STXBP2: variants seen among roughly 807,000 people sequenced by gnomAD.
STXBP2 encodes syntaxin binding protein 2.
Under a neutral mutation model 72.2 loss-of-function variants are expected in STXBP2, and 47 were observed. That is an observed-to-expected ratio of 0.65 (90% CI 0.51 to 0.83). The LOEUF (loss-of-function observed/expected upper bound fraction) is 0.83. STXBP2 is among the 40% of genes least tolerant of loss of function. STXBP2 has a pLI of 0.00. For synonymous variants in STXBP2, 367 were observed against 338.7 expected (o/e 1.08, Z -0.92); for missense variants, 702 against 807.6 (o/e 0.87, Z 1.58).
At chr19:7,636,911 C>T, upstream of STXBP2, 1 of 392,972 alleles carries the variant, frequency 2.5e-6, no homozygotes, top group Non-Finnish European at 4.5e-6. Flanking sequence ...CATCTGTGAG[C>T]GTGTCGTCGA....
chr19:7,638,834 A>T (rs1599389173), intron 2 of STXBP2, 59 bp downstream of exon 2: 2 of 1,610,236 alleles, frequency 1.2e-6, no homozygotes, highest in Middle Eastern at 1.7e-4. Context: ...GCCTATGGGG[A>T]AGACCCTGAA....
At chr19:7,634,231 C>A (rs3745363), upstream of STXBP2, among the ~76,000 whole-genome samples, 44,309 of 152,112 alleles carry the variant, frequency 0.29, 7,127 homozygotes, top group Non-Finnish European at 0.37. Flanking sequence ...CCTGCCTTTT[C>A]CCCCGAGCCA....
In STXBP2 at chr19:7,644,594, G is replaced by C; in HGVS notation, c.1108-20G>C. On this transcript the variant is annotated intron_variant, in intron 13 of 18. Coordinates refer to ENST00000221283, the MANE Select transcript of STXBP2 (RefSeq NM_006949.4). ...CCCTGACACATAGCGGCCGGTGGAC[G>C]GCTGACCCCATGCCCGCAGGACCTG... 1.9e-6 allele frequency: 3 copies of C among 1,610,286 alleles called. No individual in the cohort carries two copies. Among genetic ancestry groups the C allele is most frequent in the Non-Finnish European group, 2.5e-6 (3 of 1,179,698 alleles).
At position 7,643,065 on chromosome 19, in the gene STXBP2, A is replaced by C. The variant is rs1171346483; in HGVS notation, c.1026+17A>C. 6.2e-7 allele frequency: 1 copy of C among 1,614,070 alleles called. No homozygotes were observed. Among genetic ancestry groups the C allele is most frequent in the Non-Finnish European group, 8.5e-7 (1 of 1,179,928 alleles). On this transcript the variant is annotated intron_variant, in intron 12 of 18. Transcript: ENST00000221283. ...CTGAATAAGGTGTGCTCGGGTGGGC[A>C]GGGAGCGGGGACACCTCGGCCCCTC... is the stretch of plus-strand genomic sequence containing the variant.
rs899199010 is a variant in STXBP2 at position 7,647,507 on chromosome 19, C to T, written c.1692C>T (p.Leu564=). The T allele has an allele frequency of 5.0e-6, 8 of 1,595,262 alleles. No individual in the cohort carries two copies. The highest frequency in any genetic ancestry group is 2.3e-5 in the East Asian group (1 of 43,568). Residue 564 remains leucine, a synonymous_variant, in exon 18 of 19, where the codon CTC becomes CTT. Transcript: ENST00000221283. ...CCACCGAGGGCAAGTGGGAGGTGCT[C>T]ATTGGTAAGTCACCAGGACTGGGAC... ...TRATEGKWEV[L]IGSSHILTPT...
chr19:7,630,902 G>C, the STXBP2 span: 16 of 1,535,046 alleles, frequency 1.0e-5, no homozygotes, highest in Non-Finnish European at 1.4e-5. Flanking sequence ...TCTTGTATCC[G>C]GGATGGGTTT....
chr19:7,647,698 C>T (rs755351459), intron 18 of STXBP2, 27 bp from the exon 19 acceptor site: 17 of 1,612,964 alleles, frequency 1.1e-5, no homozygotes, highest in Non-Finnish European at 1.4e-5. Flanking sequence ...CCCCCAACAT[C>T]TTCCCCAAAC....
rs116022728 is a variant in STXBP2, at chr19:7,643,083, G to A, written c.1026+35G>A. ...GGTGGGCAGGGAGCGGGGACACCTC[G>A]GCCCCTCAACCCCATGCTCTGTCTG... is the stretch of plus-strand genomic sequence containing the variant. On this transcript the variant is annotated intron_variant, in intron 12 of 18. Coordinates refer to ENST00000221283, the MANE Select transcript of STXBP2 (RefSeq NM_006949.4). 3,805 of 1,614,008 alleles carry A rather than the reference G, an allele frequency of 2.4e-3. 76 individuals carry two copies. In the African/African-American group the frequency reaches 0.042, roughly 18 times the overall value.
At chr19:7,644,961 C>T in intron 14 of STXBP2, 1 of 1,447,120 alleles carries the variant, frequency 6.9e-7, no homozygotes, top group South Asian at 1.5e-5. Context: ...AACGTAGAAA[C>T]CCTCACATCT....
Position 7,640,733 on chromosome 19 carries a change from G to A in STXBP2, c.249G>A (p.Ser83=), listed in dbSNP as rs1374023769. The change falls in exon 5 of 19, where the codon TCG becomes TCA. Residue 83 remains serine (S), a splice_region_variant and synonymous_variant. Transcript: ENST00000221283. ...AIYLLSPTEK[S]VQALIKDFQG... Reference sequence around the variant, plus strand: ...AGAGAGTGATCCACCTTCCCCAGTCGGTTCAGGCCCTGATCAAAGACTTCC... The same window carrying A: ...AGAGAGTGATCCACCTTCCCCAGTCAGTTCAGGCCCTGATCAAAGACTTCC... 4 of 1,614,186 alleles carry A rather than the reference G, an allele frequency of 2.5e-6. No individual in the cohort carries two copies. The highest frequency in any genetic ancestry group is 1.6e-4 in the Middle Eastern group (1 of 6,062).
upstream of STXBP2, chr19:7,632,608 C>T (rs1400719882): frequency 1.9e-6 from 3 of 1,589,672 alleles, no homozygotes; most frequent in Admixed American, 1.7e-5. This position sits in a 1 kb window ranked among gnomAD's most constrained non-coding sequence, Gnocchi z 5.2. Context: ...CTTCAGGGTG[C>T]ACAACCACCT....
rs748212253 is a variant in STXBP2 at position 7,644,716 on chromosome 19, A to G, written c.1210A>G (p.Ile404Val). 3 of 1,613,508 alleles carry G rather than the reference A, an allele frequency of 1.9e-6. No homozygotes were observed. Among genetic ancestry groups the G allele is most frequent in the Admixed American group, 1.7e-5 (1 of 59,970 alleles). ...LDAAVPAYDK[I>V]RVLLLYILLR... Reference sequence around the variant, plus strand: ...CGCGGCGGTGCCCGCCTACGACAAGATCCGGGTCCTGCTGCTCTACATCCT... The same window carrying G: ...CGCGGCGGTGCCCGCCTACGACAAGGTCCGGGTCCTGCTGCTCTACATCCT... Residue 404 changes from isoleucine to valine, a missense_variant, in exon 14 of 19, where the codon ATC becomes GTC. Coordinates refer to ENST00000221283, the MANE Select transcript of STXBP2 (RefSeq NM_006949.4).
intron 3 of STXBP2, 139 bp from the exon 4 acceptor site, chr19:7,639,592 T>A (rs2031703963): frequency 1.3e-6 from 1 of 765,942 alleles, no homozygotes; most frequent in South Asian, 1.5e-5. Flanking sequence ...TAGCTGGTGG[T>A]CCCTAAGTGG....
chr19:7,643,174 C>T lies in STXBP2; in HGVS notation c.1036C>T (p.His346Tyr). 6.2e-7 allele frequency: 1 copy of T among 1,614,116 alleles called. No homozygotes were observed. Among genetic ancestry groups the T allele is most frequent in the South Asian group, 1.1e-5 (1 of 91,080 alleles). ...ACCCTGCACCCTGCAGTATTCTACG[C>T]ACCTGCATCTAGCAGATGATTGTAT... ...YQKELNKYST[H>Y]LHLADDCMKH... The change falls in exon 13 of 19, where the codon CAC (histidine) becomes TAC (tyrosine). Residue 346 changes from histidine to tyrosine, a missense_variant. Transcript: ENST00000221283.
chr19:7,632,581 T>G, upstream of STXBP2: 1 of 1,600,732 alleles, frequency 6.2e-7, no homozygotes, highest in South Asian at 1.1e-5. This position sits in a 1 kb window ranked among gnomAD's most constrained non-coding sequence, Gnocchi z 5.2. Context: ...CCCTACCCCT[T>G]CACCCCCACA....
chr19:7,642,277 G>A lies in STXBP2; in HGVS notation c.738G>A (p.Glu246=), dbSNP rs758887450. 3 of 1,614,138 alleles carry A rather than the reference G, an allele frequency of 1.9e-6. No homozygotes were observed. The highest frequency in any genetic ancestry group is 1.1e-5 in the South Asian group (1 of 91,088). The change falls in exon 9 of 19, where the codon GAG becomes GAA. Residue 246 remains glutamate, a synonymous_variant. Transcript: ENST00000221283. The surrounding 1 kb of genome is among the most constrained non-coding windows in gnomAD (Gnocchi z 6.0). ...AADPVSPLLH[E]LTFQAMAYDL... ...ACCCCGTGTCCCCACTACTGCATGA[G>A]CTCACGTTCCAGGCCATGGCGTATG...
chr19:7,633,295 C>A, upstream of STXBP2: 2 of 1,116,470 alleles, frequency 1.8e-6, no homozygotes, highest in Non-Finnish European at 2.6e-6. Context: ...ACAACTGGGT[C>A]AGGGGGTCCT....
chr19:7,643,312 A>T, intron 13 of STXBP2, 67 bp downstream of exon 13: 1 of 1,521,710 alleles, frequency 6.6e-7, no homozygotes, highest in Non-Finnish European at 9.0e-7. Context: ...GGAGGGGCTG[A>T]ACTGTAGAGA....
At chr19:7,641,401 G>T (rs969538472) in intron 6 of STXBP2, among the ~76,000 whole-genome samples, 1 of 152,100 alleles carries the variant, frequency 6.6e-6, no homozygotes, top group Admixed American at 6.5e-5. Flanking sequence ...TTTTAAAAAG[G>T]GGAGGTACCC....
Sources: allele counts gnomAD v4.1 joint callset (sites outside exome capture counted in the v4.1 genomes callset), GRCh38; gene constraint gnomAD v4.1.1; non-coding constraint Gnocchi (gnomAD v3.1); transcripts MANE v1.5; gene names NCBI Gene and HGNC (gene_info 2026-07-23, HGNC 2026-07-21).